Variants in DNAJB6 observed in about 807,000 individuals in gnomAD.
DNAJB6 encodes the protein DnaJ heat shock protein family (Hsp40) member B6.
In DNAJB6, 16 loss-of-function variants were observed where a neutral mutation model predicts 42.7. The ratio of observed to expected loss-of-function variants is 0.37; its 90% confidence interval spans 0.25 to 0.57. DNAJB6 has a LOEUF of 0.57. DNAJB6 is among the 20% of genes least tolerant of loss of function. The pLI is 0.74. For missense variants in DNAJB6, 347 were observed against 416.8 expected (o/e 0.83, Z 1.46); for synonymous variants, 170 against 163.5 (o/e 1.04, Z -0.30).
At chr7:157,353,033 C>T (rs755352075) in intron 1 of DNAJB6, among the ~76,000 whole-genome samples, 1 of 152,054 alleles carries the variant, frequency 6.6e-6, no homozygotes, top group Non-Finnish European at 1.5e-5. Flanking sequence ...AGTCAATTCA[C>T]TTTGAAGCCC....
intron 9 of DNAJB6, chr7:157,411,830 G>C (rs977140160): frequency 6.6e-6 from 1 of 152,240 alleles, no homozygotes; most frequent in Non-Finnish European, 1.5e-5. Context: ...GCTGTGGGCG[G>C]GACTGATACG....
intron 1 of DNAJB6, among the ~76,000 whole-genome samples, chr7:157,345,810 G>A (rs1019618240): frequency 6.6e-6 from 1 of 152,146 alleles, no homozygotes; most frequent in Non-Finnish European, 1.5e-5. Context: ...GCCAAGTGGG[G>A]TTCTAATGGA....
intron 1 of DNAJB6, among the ~76,000 whole-genome samples, chr7:157,352,856 T>C (rs977887604): frequency 6.6e-6 from 1 of 152,124 alleles, no homozygotes; most frequent in South Asian, 2.1e-4. Context: ...GAACCACGGC[T>C]TGTTTACGAT....
At chr7:157,350,689 T>C (rs1330557802) in intron 1 of DNAJB6, among the ~76,000 whole-genome samples, 1 of 116,104 alleles carries the variant, frequency 8.6e-6, no homozygotes, top group Non-Finnish European at 2.0e-5. Flanking sequence ...CAACAACCTT[T>C]TTTTTTTTAT....
At chr7:157,346,691 G>GT (rs1798706101) in intron 1 of DNAJB6, among the ~76,000 whole-genome samples, 1 of 152,208 alleles carries the variant, frequency 6.6e-6, no homozygotes, top group African/African-American at 2.4e-5. Flanking sequence ...CTTTCATGGA[G>GT]TTTGTCAAAT....
chr7:157,353,424 C>G (rs1030431305), intron 1 of DNAJB6, among the ~76,000 whole-genome samples: 6 of 152,158 alleles, frequency 3.9e-5, no homozygotes, highest in African/African-American at 1.4e-4. Flanking sequence ...AAGCAGTTGA[C>G]ACCGCTACAG....
At chr7:157,380,332 T>C (rs147606797) in intron 5 of DNAJB6, 1 of 152,304 alleles carries the variant, frequency 6.6e-6, no homozygotes, top group East Asian at 1.9e-4. Flanking sequence ...TGGATGAAGT[T>C]TTTGTGTCCT....
chr7:157,409,565 GGA>G (rs377287193), intron 8 of DNAJB6, among the ~76,000 whole-genome samples: 28 of 152,196 alleles, frequency 1.8e-4, no homozygotes, highest in Non-Finnish European at 3.7e-4. Flanking sequence ...GCTTCTTCCA[GGA>G]GAGAGAGAGG....
intron 1 of DNAJB6, among the ~76,000 whole-genome samples, chr7:157,339,599 TTTTGTGTG>T (rs1466386030): frequency 8.6e-6 from 1 of 115,992 alleles, no homozygotes; most frequent in African/African-American, 3.5e-5. Context: ...GCGCCCGGCC[TTTTGTGTG>T]TGTGTGTGTG....
intron 8 of DNAJB6, among the ~76,000 whole-genome samples, chr7:157,407,747 G>A (rs946976967): frequency 2.0e-5 from 3 of 152,156 alleles, no homozygotes; most frequent in African/African-American, 7.2e-5. Flanking sequence ...TGGAAGCCAC[G>A]TTGCCACACA....
chr7:157,345,562 C>T (rs1407577100), intron 1 of DNAJB6, among the ~76,000 whole-genome samples: 1 of 152,160 alleles, frequency 6.6e-6, no homozygotes, highest in Non-Finnish European at 1.5e-5. Flanking sequence ...AGTGATCCTT[C>T]TGCACATTTC....
intron 1 of DNAJB6, among the ~76,000 whole-genome samples, chr7:157,346,039 C>T (rs1210996605): frequency 6.6e-6 from 1 of 151,538 alleles, no homozygotes; most frequent in Non-Finnish European, 1.5e-5. Flanking sequence ...TGAGGGCCCA[C>T]ATTTTTCTGG....
chr7:157,351,592 C>T (rs781754238), intron 1 of DNAJB6, among the ~76,000 whole-genome samples: 9 of 150,656 alleles, frequency 6.0e-5, no homozygotes, highest in Non-Finnish European at 1.3e-4. Flanking sequence ...GAGATTGTGC[C>T]ACTGCACTCC....
At chr7:157,365,539 G>A (rs1212770905) in intron 3 of DNAJB6, among the ~76,000 whole-genome samples, 1 of 152,120 alleles carries the variant, frequency 6.6e-6, no homozygotes, top group African/African-American at 2.4e-5. Context: ...CTCTAATTGG[G>A]TTTTTGTAGT....
At chr7:157,339,444 TC>T (rs1443856205) in intron 1 of DNAJB6, among the ~76,000 whole-genome samples, 2 of 151,706 alleles carry the variant, frequency 1.3e-5, no homozygotes, top group African/African-American at 2.4e-5. Context: ...ACTTCAAGCT[TC>T]CGCCACCACA....
At chr7:157,406,315 C>T (rs912854213) in intron 8 of DNAJB6, among the ~76,000 whole-genome samples, 2 of 152,256 alleles carry the variant, frequency 1.3e-5, no homozygotes, top group African/African-American at 2.4e-5. Context: ...CCACCTTCAT[C>T]TTCTTTCCTC....
intron 8 of DNAJB6, among the ~76,000 whole-genome samples, chr7:157,390,873 T>C (rs978094108): frequency 1.3e-5 from 2 of 152,336 alleles, no homozygotes; most frequent in Middle Eastern, 3.4e-3. Flanking sequence ...TCTCTCTCTC[T>C]AACCCAGGCT....
intron 8 of DNAJB6, among the ~76,000 whole-genome samples, chr7:157,392,770 AT>A (rs988922781): frequency 6.6e-6 from 1 of 152,072 alleles, no homozygotes; most frequent in African/African-American, 2.4e-5. Flanking sequence ...TGGCAGACTA[AT>A]TTTTTTAACA....
intron 1 of DNAJB6, among the ~76,000 whole-genome samples, chr7:157,348,873 T>C (rs2116891567): frequency 6.6e-6 from 1 of 152,320 alleles, no homozygotes; most frequent in Non-Finnish European, 1.5e-5. Context: ...GTCGTTATTT[T>C]GCCTGAGCAT....
Sources: allele counts gnomAD v4.1 joint callset (sites outside exome capture counted in the v4.1 genomes callset), GRCh38; gene constraint gnomAD v4.1.1; transcripts MANE v1.5; gene names NCBI Gene and HGNC (gene_info 2026-07-23, HGNC 2026-07-21).